Variants in SPATA3 observed in about 807,000 individuals in gnomAD.
The protein encoded by SPATA3 is spermatogenesis-associated protein 3.
SPATA3 carries 6 observed loss-of-function variants against 5.7 expected under a neutral mutation model. The ratio of observed to expected loss-of-function variants is 1.06; its 90% CI spans 0.58 to 2.09. The LOEUF is 2.09. Ranked by LOEUF, SPATA3 falls within the 30% of genes most tolerant of loss-of-function variation. The pLI is 0.00. For missense variants in SPATA3, 155 were observed against 130.4 expected, an observed-to-expected ratio of 1.19 and a Z score of -0.92; for synonymous variants, 44 against 48.4, an observed-to-expected ratio of 0.91 and a Z score of 0.37.
chr2:231,018,969 C>CTTT lies in SPATA3; in HGVS notation c.*566-738_*566-736dup, dbSNP rs10652495. 1.6e-3 allele frequency among the ~76,000 whole-genome samples: 208 copies of CTTT among 126,324 alleles called. 3 individuals carry two copies. Among genetic ancestry groups the CTTT allele is most frequent in the Middle Eastern group, 4.9e-3 (1 of 206 alleles). 82.9% of individuals were successfully genotyped at this position (126,324 alleles called of 152,430 possible). ...CGTGCCTGGCCTGATTTTTCTTTTT[C>CTTT]TTTTTTTTTTTTTTTGAGATGGAGT... On this transcript the variant is annotated intron_variant, in intron 6 of 8. Coordinates refer to the SPATA3 transcript ENST00000452881.
intron 6 of SPATA3, among the ~76,000 whole-genome samples, chr2:231,018,464 TTCAG>T (rs1692987864): frequency 1.3e-5 from 1 of 78,364 alleles, no homozygotes; most frequent in African/African-American, 5.2e-5. Context: ...GTATAGAAAC[TTCAG>T]CCATTTGGCC....
At chr2:231,015,094 A>G (rs148159104) in intron 6 of SPATA3, among the ~76,000 whole-genome samples, 1 of 148,814 alleles carries the variant, frequency 6.7e-6, no homozygotes, top group Non-Finnish European at 1.5e-5. Flanking sequence ...GAGGAGAGAG[A>G]GAGCACCAGC....
chr2:231,003,187 C>G (rs1376216522), downstream of SPATA3, among the ~76,000 whole-genome samples: 1 of 152,178 alleles, frequency 6.6e-6, no homozygotes, highest in Non-Finnish European at 1.5e-5. Flanking sequence ...ACCCATAAAG[C>G]CCCCTTCTTC....
downstream of SPATA3, among the ~76,000 whole-genome samples, chr2:231,008,217 G>A (rs929963274): frequency 6.6e-6 from 1 of 152,170 alleles, no homozygotes; most frequent in Non-Finnish European, 1.5e-5. Context: ...CTTGGAGAAA[G>A]GCTGCGAGGA....
At chr2:231,015,028 G>A (rs1252346713) in intron 6 of SPATA3, among the ~76,000 whole-genome samples, 2 of 151,396 alleles carry the variant, frequency 1.3e-5, no homozygotes, top group Admixed American at 6.6e-5. Context: ...AATCCTACAG[G>A]GAGTCCCAAC....
chr2:231,013,690 G>C (rs371743581), intron 5 of SPATA3, among the ~76,000 whole-genome samples: 1 of 152,034 alleles, frequency 6.6e-6, no homozygotes. Flanking sequence ...GGGCTTCACC[G>C]TGTTGGTCAG....
chr2:231,011,072 C>CAAAAAAAAAAAAAAAAAAAAA (rs556496371), downstream of SPATA3, among the ~76,000 whole-genome samples: 28 of 79,830 alleles, frequency 3.5e-4, no homozygotes, highest in Non-Finnish European at 4.4e-4. Context: ...GACCCTGTCT[C>CAAAAAAAAAAAAAAAAAAAAA]AAAAAAAAAA....
At chr2:231,002,025 A>C (rs1188588520) in intron 2 of SPATA3, among the ~76,000 whole-genome samples, 1 of 152,232 alleles carries the variant, frequency 6.6e-6, no homozygotes, top group Admixed American at 6.5e-5. Flanking sequence ...TGAGGCTCAG[A>C]ATCAGGAAAG....
At chr2:231,013,508 GAGA>G (rs1692845570) in intron 5 of SPATA3, among the ~76,000 whole-genome samples, 1 of 147,426 alleles carries the variant, frequency 6.8e-6, no homozygotes, top group East Asian at 2.0e-4. Flanking sequence ...TTTTTCTTTT[GAGA>G]AGGAGTTTCA....
downstream of SPATA3, among the ~76,000 whole-genome samples, chr2:231,005,549 AC>A (rs1692587262): frequency 7.4e-6 from 1 of 135,912 alleles, no homozygotes; most frequent in Non-Finnish European, 1.6e-5. Context: ...CACCATCATC[AC>A]CACCACCATC....
At chr2:231,000,186 C>T (rs1046360656) in intron 1 of SPATA3, among the ~76,000 whole-genome samples, 180 bp from the exon 2 acceptor site, 3 of 152,178 alleles carry the variant, frequency 2.0e-5, no homozygotes, top group African/African-American at 7.2e-5. Context: ...GGAGAACTGC[C>T]TTCCTTAGGT....
intron 1 of SPATA3, chr2:230,999,766 C>T (rs1406181042): frequency 5.9e-6 from 1 of 169,138 alleles, no homozygotes; most frequent in Non-Finnish European, 1.5e-5. Flanking sequence ...ATCAATGGAA[C>T]GTGGCAGCTC....
At chr2:231,005,043 T>TCACCAC (rs1303262777), downstream of SPATA3, among the ~76,000 whole-genome samples, 1,744 of 90,816 alleles carry the variant, frequency 0.019, 42 homozygotes, top group African/African-American at 0.068. Flanking sequence ...ACCATCATCA[T>TCACCAC]CACCACCACC....
At chr2:230,996,146 A>C in intron 1 of SPATA3, 4 of 1,397,460 alleles carry the variant, frequency 2.9e-6, no homozygotes, top group South Asian at 2.9e-5. Context: ...CCAGGCTCCT[A>C]GGGCAGAGGG....
chr2:230,998,809 C>G (rs1692233748), intron 1 of SPATA3, among the ~76,000 whole-genome samples: 1 of 152,226 alleles, frequency 6.6e-6, no homozygotes, highest in African/African-American at 2.4e-5. Flanking sequence ...GCTGTGGAAA[C>G]AGTCTGGTGG....
downstream of SPATA3, among the ~76,000 whole-genome samples, chr2:231,005,286 TCATCACCATCACCACCAC>T (rs1692540911): frequency 2.3e-4 from 5 of 21,380 alleles, no homozygotes; most frequent in Admixed American, 4.3e-4. Flanking sequence ...ATCACCATCA[TCATCACCATCACCACCAC>T]CATCACCACC....
intron 1 of SPATA3, chr2:230,996,388 A>T: frequency 6.4e-7 from 1 of 1,551,692 alleles, no homozygotes; most frequent in Non-Finnish European, 8.7e-7. Flanking sequence ...CCTAGCCCTG[A>T]ATCCACACCA....
At chr2:231,000,405 C>T (rs1692303882) in exon 2 of SPATA3, 1 of 1,538,562 alleles carries the variant, frequency 6.5e-7, no homozygotes, top group South Asian at 1.2e-5. Flanking sequence ...TGCTCCTGTG[C>T]CACTTGCCCC....
intron 2 of SPATA3, among the ~76,000 whole-genome samples, chr2:231,001,748 G>A (rs2125100102): frequency 6.6e-6 from 1 of 152,332 alleles, no homozygotes; most frequent in East Asian, 1.9e-4. Flanking sequence ...CCAGAACAGG[G>A]AACTTTACCC....
Sources: gnomAD v4.1 joint callset for allele counts (sites outside exome capture counted in the v4.1 genomes callset) on GRCh38, gnomAD v4.1.1 for gene constraint, MANE v1.5 for transcripts, NCBI Gene and HGNC (gene_info 2026-07-23, HGNC 2026-07-21) for gene names.